PTPRK: variants seen among roughly 807,000 people sequenced by gnomAD.
PTPRK encodes the protein protein tyrosine phosphatase receptor type K.
A neutral mutation model predicts 178.0 loss-of-function variants in PTPRK; 75 were observed. The ratio of observed to expected loss-of-function variants is 0.42; its 90% CI spans 0.35 to 0.51. The LOEUF (loss-of-function observed/expected upper bound fraction) is 0.51. PTPRK is among the 20% of genes least tolerant of loss of function. The probability of loss-of-function intolerance (pLI) is 0.02; values close to 1 mark genes in which losing one functional copy is unlikely to be tolerated. For synonymous variants in PTPRK, 637 were observed against 620.6 expected, an observed-to-expected ratio of 1.03 and a Z score of -0.39; for missense variants, 1,441 against 1,797.8, an observed-to-expected ratio of 0.80 and a Z score of 3.59.
rs146589938 is a variant in PTPRK, at chr6:127,979,772, G to A, written c.3711+1344C>T. Among the ~76,000 whole-genome samples the A allele has an allele frequency of 9.0e-3, 1,364 of 152,294 alleles. 23 individuals carry two copies. Among genetic ancestry groups the A allele is most frequent in the African/African-American group, 0.032 (1,329 of 41,554 alleles). On this transcript the variant is annotated intron_variant, in intron 25 of 29. Coordinates refer to ENST00000368226, the MANE Select transcript of PTPRK (RefSeq NM_002844.4). ...TATAGTCAGAAAGAAATGAACCGTGGCTTCTAATTTCTCCTTGATATGGTT... is the reference window on the plus strand; with the variant it reads ...TATAGTCAGAAAGAAATGAACCGTGACTTCTAATTTCTCCTTGATATGGTT...
chr6:128,380,375 G>A (rs1425580254), intron 2 of PTPRK, among the ~76,000 whole-genome samples: 1 of 152,060 alleles, frequency 6.6e-6, no homozygotes, highest in Admixed American at 6.6e-5. Flanking sequence ...AGCAAAGTGG[G>A]AGTTTTGTTT....
At chr6:128,084,388 G>T (rs185283270) in intron 8 of PTPRK, among the ~76,000 whole-genome samples, 384 of 152,234 alleles carry the variant, frequency 2.5e-3, no homozygotes, top group African/African-American at 8.8e-3. Flanking sequence ...TTTTAAAAAG[G>T]CAGTGTTGAT....
chr6:128,003,087 T>G, intron 15 of PTPRK: 1 of 1,080,780 alleles, frequency 9.3e-7, no homozygotes, highest in Non-Finnish European at 1.4e-6. Flanking sequence ...TGGCTGTCTA[T>G]TTTCAAAATC....
Position 128,188,860 on chromosome 6 carries a change from C to G in PTPRK, c.869-4135G>C, listed in dbSNP as rs1025777397. ...TGCCTTCTCCTCTCCTGTCTGTAGT[C>G]AAATCTCCCTCTGCCTTCCATATGG... On this transcript the variant is annotated intron_variant, in intron 6 of 29. Transcript: ENST00000368226. 5.9e-5 allele frequency among the ~76,000 whole-genome samples: 9 copies of G among 152,304 alleles called. No homozygotes were observed. The East Asian group carries it at 1.5e-3, about 26-fold the overall frequency.
intron 17 of PTPRK, among the ~76,000 whole-genome samples, chr6:127,996,375 G>A (rs1777153135): frequency 6.6e-6 from 1 of 152,100 alleles, no homozygotes; most frequent in Non-Finnish European, 1.5e-5. Flanking sequence ...AAATCAAACA[G>A]CAAGTTATCT....
intron 3 of PTPRK, among the ~76,000 whole-genome samples, chr6:128,305,222 A>G (rs555980151): frequency 7.2e-5 from 11 of 152,344 alleles, no homozygotes; most frequent in African/African-American, 2.4e-4. Context: ...AATATCTGAA[A>G]TAAAGTTGAC....
intron 5 of PTPRK, among the ~76,000 whole-genome samples, chr6:128,238,410 A>T (rs1349261373): frequency 2.6e-5 from 4 of 152,142 alleles, no homozygotes; most frequent in Non-Finnish European, 4.4e-5. Context: ...CAGGGTCCAG[A>T]AAGTCTTTGT....
At chr6:128,132,723 A>C (rs1164113195) in intron 7 of PTPRK, among the ~76,000 whole-genome samples, 1 of 152,260 alleles carries the variant, frequency 6.6e-6, no homozygotes, top group Non-Finnish European at 1.5e-5. Context: ...CCACAAAATT[A>C]TTCCCACCAT....
intron 5 of PTPRK, among the ~76,000 whole-genome samples, chr6:128,226,774 AT>A (rs1161626431): frequency 7.8e-6 from 1 of 129,022 alleles, no homozygotes; most frequent in East Asian, 2.0e-4. Flanking sequence ...ATATATATAT[AT>A]ATATATATAT....
intron 6 of PTPRK, among the ~76,000 whole-genome samples, chr6:128,203,709 G>C (rs1028065321): frequency 6.6e-6 from 1 of 151,988 alleles, no homozygotes; most frequent in East Asian, 1.9e-4. Context: ...TAGAAATACA[G>C]CTAACAAGGG....
chr6:128,459,853 C>A (rs1215785027), intron 1 of PTPRK, among the ~76,000 whole-genome samples: 3 of 152,142 alleles, frequency 2.0e-5, no homozygotes, highest in Admixed American at 2.0e-4. Flanking sequence ...CAGGATCCCA[C>A]AAGTTGTACA....
At chr6:128,256,968 T>C (rs955229330) in intron 3 of PTPRK, among the ~76,000 whole-genome samples, 6 of 151,832 alleles carry the variant, frequency 4.0e-5, no homozygotes, top group East Asian at 3.9e-4. Flanking sequence ...GAGTGGCTCA[T>C]GCCTGTAATC....
chr6:128,073,291 C>G (rs546523673), intron 11 of PTPRK, among the ~76,000 whole-genome samples: 2 of 151,972 alleles, frequency 1.3e-5, no homozygotes, highest in African/African-American at 4.8e-5. Context: ...AGTTTACATT[C>G]TAGTGGGGAG....
At chr6:128,305,475 A>T (rs987163490) in intron 3 of PTPRK, among the ~76,000 whole-genome samples, 1 of 152,216 alleles carries the variant, frequency 6.6e-6, no homozygotes, top group Non-Finnish European at 1.5e-5. Flanking sequence ...TAGAATCTAA[A>T]TGTATTATTG....
chr6:128,064,811 G>GAAAAAAAA lies in PTPRK; in HGVS notation c.2158-25_2158-18dup. On this transcript the variant is annotated splice_polypyrimidine_tract_variant and intron_variant, in intron 12 of 29. Coordinates refer to ENST00000368226, the MANE Select transcript of PTPRK (RefSeq NM_002844.4). ...TTTAGTTTCCTGATAGAGTAAAAAT[G>GAAAAAAAA]AAAAAAAAAAGAGTCAATGTACAGA... is the stretch of plus-strand genomic sequence containing the variant. The GAAAAAAAA allele has an allele frequency of 6.9e-7, 1 of 1,445,562 alleles. No individual in the cohort carries two copies. The highest frequency in any genetic ancestry group is 1.4e-5 in the South Asian group (1 of 72,646). 89.5% of individuals were successfully genotyped at this position (1,445,562 alleles called of 1,614,324 possible).
At chr6:128,095,586 A>G (rs2115040131) in intron 7 of PTPRK, among the ~76,000 whole-genome samples, 1 of 152,304 alleles carries the variant, frequency 6.6e-6, no homozygotes, top group South Asian at 2.1e-4. Flanking sequence ...TGGACACCCC[A>G]TCAATCAGGG....
intron 2 of PTPRK, among the ~76,000 whole-genome samples, chr6:128,350,692 A>G (rs1026126258): frequency 1.3e-5 from 2 of 152,232 alleles, no homozygotes; most frequent in Non-Finnish European, 2.9e-5. Flanking sequence ...AAAGTAATGC[A>G]AACACTGGGC....
In PTPRK at chr6:128,184,433, T is replaced by G. The variant is rs750296273; in HGVS notation, c.1161A>C (p.Ala387=). Residue 387 remains alanine (A), a splice_region_variant and synonymous_variant, in exon 7 of 30, where the codon GCA becomes GCC. Transcript: ENST00000368226. The stretch of plus-strand genomic sequence containing the variant: ...AAAAGGTCTGCTACTCAGTCTTACC[T>G]GCACATTTTGTTCTGGTGATTAGTG... ...GPPLITRTKC[A]EPMRTPKTLK... 6.2e-6 allele frequency: 10 copies of G among 1,613,148 alleles called. No homozygotes were observed. Among genetic ancestry groups the G allele is most frequent in the Non-Finnish European group, 8.5e-6 (10 of 1,179,552 alleles).
chr6:128,265,888 C>G (rs1306807540), intron 3 of PTPRK, among the ~76,000 whole-genome samples: 1 of 152,060 alleles, frequency 6.6e-6, no homozygotes, highest in East Asian at 1.9e-4. Context: ...GGGAGGTGAT[C>G]AGGTCATGCG....
Sources: gnomAD v4.1 joint callset for allele counts (sites outside exome capture counted in the v4.1 genomes callset) on GRCh38, gnomAD v4.1.1 for gene constraint, MANE v1.5 for transcripts, NCBI Gene and HGNC (gene_info 2026-07-23, HGNC 2026-07-21) for gene names.